The following NSUN6 variants were observed in gnomAD, a reference collection of about 807,000 sequenced individuals.
NSUN6 encodes the protein NOP2/Sun RNA methyltransferase 6, also known as tRNA (cytosine(72)-C(5))-methyltransferase NSUN6.
Under a neutral mutation model 58.0 loss-of-function variants are expected in NSUN6, and 64 were observed. The observed-to-expected ratio is 1.10, with a 90% CI of 0.90 to 1.36. NSUN6 has a LOEUF of 1.36. Ranked by LOEUF, NSUN6 falls within the 40% of genes most tolerant of loss-of-function variation. The probability of loss-of-function intolerance (pLI) is 0.00; values close to 1 mark genes in which losing one functional copy is unlikely to be tolerated. For synonymous variants in NSUN6, 231 were observed against 193.9 expected (o/e 1.19, Z -1.59); for missense variants, 701 against 550.1 (o/e 1.27, Z -2.74).
intron 8 of NSUN6, among the ~76,000 whole-genome samples, chr10:18,577,228 T>C (rs755776002): frequency 6.6e-6 from 1 of 152,178 alleles, no homozygotes; most frequent in Non-Finnish European, 1.5e-5. Flanking sequence ...TGATTCATAA[T>C]TAAAACTCAA....
intron 9 of NSUN6, among the ~76,000 whole-genome samples, chr10:18,549,466 G>C (rs2054475467): frequency 6.6e-6 from 1 of 152,008 alleles, no homozygotes; most frequent in African/African-American, 2.4e-5. Flanking sequence ...CCTATCCCCA[G>C]TTCCTTTAGC....
intron 3 of NSUN6, among the ~76,000 whole-genome samples, chr10:18,627,304 AT>A (rs1217746705): frequency 2.0e-5 from 3 of 152,232 alleles, no homozygotes; most frequent in Non-Finnish European, 4.4e-5. Flanking sequence ...ATTCATTTGT[AT>A]TTTAAATAAC....
intron 2 of NSUN6, among the ~76,000 whole-genome samples, chr10:18,648,105 C>A (rs1426327816): frequency 2.0e-5 from 3 of 151,978 alleles, no homozygotes; most frequent in South Asian, 2.1e-4. Context: ...ACCTCCTTAC[C>A]CCTGGGCTTA....
chr10:18,611,062 T>C (rs2058215567), intron 5 of NSUN6, among the ~76,000 whole-genome samples: 1 of 151,592 alleles, frequency 6.6e-6, no homozygotes. Flanking sequence ...CATGGTGGAG[T>C]GTACCTGTAG....
chr10:18,638,977 G>T (rs562530679), intron 3 of NSUN6, among the ~76,000 whole-genome samples: 2 of 145,872 alleles, frequency 1.4e-5, no homozygotes, highest in East Asian at 2.0e-4. Context: ...AAAACTGGCC[G>T]GCCATGGTGG....
intron 3 of NSUN6, among the ~76,000 whole-genome samples, chr10:18,633,964 T>A (rs2059126151): frequency 1.3e-5 from 2 of 152,200 alleles, no homozygotes; most frequent in South Asian, 4.1e-4. Flanking sequence ...AGAGAAGATT[T>A]GCAGTACTTC....
At chr10:18,614,797 A>G (rs1389125035) in intron 4 of NSUN6, among the ~76,000 whole-genome samples, 184 bp from the exon 5 acceptor site, 1 of 152,150 alleles carries the variant, frequency 6.6e-6, no homozygotes, top group Non-Finnish European at 1.5e-5. Context: ...TTCCATAACA[A>G]TAAAACTCAC....
At chr10:18,642,384 G>A in intron 3 of NSUN6, 92 bp downstream of exon 3, 1 of 673,214 alleles carries the variant, frequency 1.5e-6, no homozygotes, top group Non-Finnish European at 2.7e-6. Flanking sequence ...TAACAATGGA[G>A]AAACTTAGTA....
chr10:18,615,592 G>C (rs1188942950), intron 4 of NSUN6, among the ~76,000 whole-genome samples: 1 of 152,186 alleles, frequency 6.6e-6, no homozygotes, highest in Non-Finnish European at 1.5e-5. Flanking sequence ...ACTTGGCCAG[G>C]AGGTAGTAGT....
At chr10:18,624,029 G>C (rs2058700577) in intron 3 of NSUN6, among the ~76,000 whole-genome samples, 1 of 151,928 alleles carries the variant, frequency 6.6e-6, no homozygotes, top group African/African-American at 2.4e-5. Context: ...GCATTCATTG[G>C]TGGCACACAC....
Position 18,609,778 on chromosome 10 carries a change from A to G in NSUN6, c.657+67T>C, listed in dbSNP as rs572299004. The G allele has an allele frequency of 1.4e-4, 124 of 885,252 alleles. 1 individual carries two copies. In the African/African-American group the frequency reaches 2.0e-3, roughly 15 times the overall value. The allele number at this position is 885,252 out of a possible 1,614,324, so 54.8% of individuals were successfully genotyped here. Reference sequence around the variant, plus strand: ...AAAATCTTAAATTTTAAAATATCCTAGATTTCAAATAATTCACTGATGTAT... The same window carrying G: ...AAAATCTTAAATTTTAAAATATCCTGGATTTCAAATAATTCACTGATGTAT... On this transcript the variant is annotated intron_variant, in intron 6 of 10. Transcript: ENST00000377304.
At chr10:18,654,485 TA>T (rs1323756138), upstream of NSUN6, 3 of 152,218 alleles carry the variant, frequency 2.0e-5, no homozygotes, top group Admixed American at 6.5e-5. Context: ...ATGACACCTA[TA>T]GTCACCCATT....
intron 7 of NSUN6, among the ~76,000 whole-genome samples, chr10:18,589,331 T>C (rs140617231): frequency 1.8e-4 from 28 of 152,132 alleles, no homozygotes; most frequent in Non-Finnish European, 3.5e-4. Flanking sequence ...ATGGACCAAA[T>C]TGGAAAACAC....
chr10:18,609,977 CA>C, intron 5 of NSUN6, 51 bp from the exon 6 acceptor site: 1 of 1,076,988 alleles, frequency 9.3e-7, no homozygotes, highest in Non-Finnish European at 1.4e-6. Context: ...ATGGTCTATA[CA>C]AACTATGTTT....
chr10:18,615,408 T>C (rs187434908), intron 4 of NSUN6, among the ~76,000 whole-genome samples: 1 of 152,350 alleles, frequency 6.6e-6, no homozygotes, highest in Non-Finnish European at 1.5e-5. Context: ...TAAAATCATG[T>C]AGATCAGATG....
intron 8 of NSUN6, among the ~76,000 whole-genome samples, chr10:18,557,800 G>A (rs981414868): frequency 1.7e-4 from 25 of 151,310 alleles, no homozygotes; most frequent in African/African-American, 6.1e-4. Flanking sequence ...ATAATGGAAG[G>A]GAATGGAATG....
chr10:18,555,014 C>CAGTGGAATGGAG (rs142768961), intron 8 of NSUN6, among the ~76,000 whole-genome samples: 1 of 141,762 alleles, frequency 7.1e-6, no homozygotes, highest in East Asian at 2.2e-4. Flanking sequence ...GAATGGAATG[C>CAGTGGAATGGAG]AGTGGAATGG....
At chr10:18,629,522 G>A (rs2058951898) in intron 3 of NSUN6, among the ~76,000 whole-genome samples, 2 of 143,856 alleles carry the variant, frequency 1.4e-5, no homozygotes, top group South Asian at 4.8e-4. Flanking sequence ...CTCATGTGCA[G>A]AGACACACAT....
chr10:18,625,560 A>G (rs1417409718), intron 3 of NSUN6, among the ~76,000 whole-genome samples: 1 of 151,598 alleles, frequency 6.6e-6, no homozygotes, highest in Non-Finnish European at 1.5e-5. Context: ...TAAAAATACA[A>G]AAGTCAGCCG....
Sources: gnomAD v4.1 joint callset for allele counts (sites outside exome capture counted in the v4.1 genomes callset) on GRCh38, gnomAD v4.1.1 for gene constraint, MANE v1.5 for transcripts, NCBI Gene and HGNC (gene_info 2026-07-23, HGNC 2026-07-21) for gene names.